STXBP4: variants seen among roughly 807,000 people sequenced by gnomAD.
STXBP4 encodes the protein syntaxin-binding protein 4.
STXBP4 carries 55 observed loss-of-function variants against 76.1 expected under a neutral mutation model. That is an observed-to-expected ratio of 0.72 (90% CI 0.58 to 0.91). The LOEUF (loss-of-function observed/expected upper bound fraction) is 0.91, where lower values mean the gene tolerates loss of function less well. STXBP4 is among the 40% of genes least tolerant of loss of function. The probability of loss-of-function intolerance (pLI) is 0.00; values close to 1 mark genes in which losing one functional copy is unlikely to be tolerated. For synonymous variants in STXBP4, 201 were observed against 220.2 expected (o/e 0.91, Z 0.77); for missense variants, 618 against 636.9 (o/e 0.97, Z 0.32).
the STXBP4 span, among the ~76,000 whole-genome samples, chr17:55,182,202 T>G: frequency 6.6e-6 from 1 of 152,158 alleles, no homozygotes; most frequent in Non-Finnish European, 1.5e-5. Context: ...ATAATGGAAT[T>G]ATTAGTCACA....
chr17:55,069,691 G>T (rs990298436), intron 12 of STXBP4, among the ~76,000 whole-genome samples: 5 of 152,108 alleles, frequency 3.3e-5, no homozygotes, highest in African/African-American at 9.7e-5. Context: ...AATTTATTCA[G>T]CATCAAAACC....
chr17:55,190,860 C>A, the STXBP4 span, among the ~76,000 whole-genome samples: 1 of 152,132 alleles, frequency 6.6e-6, no homozygotes, highest in African/African-American at 2.4e-5. Flanking sequence ...TTAACGTGTT[C>A]AAAAATACAC....
the STXBP4 span, among the ~76,000 whole-genome samples, chr17:55,191,056 A>AAAGTATCT: frequency 6.6e-6 from 1 of 152,150 alleles, no homozygotes; most frequent in Non-Finnish European, 1.5e-5. Context: ...TCCAGTCTTC[A>AAAGTATCT]AAGTATCTTC....
At position 55,141,325 on chromosome 17, in the gene STXBP4, G is replaced by T. The variant is rs1279072836; in HGVS notation, c.1505G>T (p.Trp502Leu). Residue 502 changes from tryptophan (W) to leucine (L), a missense_variant, in exon 17 of 18, where the codon TGG becomes TTG. Coordinates refer to ENST00000376352, the MANE Select transcript of STXBP4 (RefSeq NM_178509.6). ...LLDMDCLPYG[W>L]EEAYTADGIK... ...TTCACTGTAGGTTTACCTTATGGGT[G>T]GGAGGAAGCTTACACAGCAGATGGA... 6.2e-7 allele frequency: 1 copy of T among 1,611,800 alleles called. No individual in the cohort carries two copies. Among genetic ancestry groups the T allele is most frequent in the Non-Finnish European group, 8.5e-7 (1 of 1,178,794 alleles).
intron 17 of STXBP4, among the ~76,000 whole-genome samples, chr17:55,142,455 G>A (rs756993317): frequency 2.6e-5 from 4 of 152,080 alleles, no homozygotes; most frequent in African/African-American, 7.2e-5. Flanking sequence ...CTCATGCCCC[G>A]CAACTTTACA....
At position 55,169,265 on chromosome 17, in the gene STXBP4, A is replaced by ATT. The variant is rs2145212692; in HGVS notation, c.*9354_*9355insTT. 1 of 151,886 alleles carries ATT rather than the reference A, an allele frequency of 6.6e-6. No individual in the cohort carries two copies. Among genetic ancestry groups the ATT allele is most frequent in the South Asian group, 2.1e-4 (1 of 4,804 alleles). The allele number at this position is 151,886 out of a possible 1,614,324, so 9.4% of individuals were successfully genotyped here. A position where few individuals can be genotyped will look rare whatever the true frequency, so the allele number is the denominator to read the frequency against. Reference sequence around the variant, plus strand: ...CTGGAGATGACTTTGGTTCACTCCCACGGGAGAGCCCTAGAGACAAAAAGG... The same window carrying ATT: ...CTGGAGATGACTTTGGTTCACTCCCATTCGGGAGAGCCCTAGAGACAAAAAGG... On this transcript the variant is annotated 3_prime_UTR_variant, in exon 18 of 18. Coordinates refer to ENST00000376352, the MANE Select transcript of STXBP4 (RefSeq NM_178509.6).
At chr17:55,003,583 C>T (rs2077954345) in intron 7 of STXBP4, among the ~76,000 whole-genome samples, 1 of 152,112 alleles carries the variant, frequency 6.6e-6, no homozygotes, top group Admixed American at 6.6e-5. Flanking sequence ...TAGATTTCTT[C>T]AGTTACCTGA....
chr17:54,988,717 T>A (rs1053302346), intron 3 of STXBP4, among the ~76,000 whole-genome samples: 2 of 152,058 alleles, frequency 1.3e-5, no homozygotes, highest in Non-Finnish European at 2.9e-5. Flanking sequence ...GAGGTTGCAG[T>A]AAGCTGAGAT....
At chr17:55,182,027 T>A in the STXBP4 span, among the ~76,000 whole-genome samples, 3 of 152,172 alleles carry the variant, frequency 2.0e-5, no homozygotes. Flanking sequence ...TCAATATAAC[T>A]CAAAGATTCT....
intron 16 of STXBP4, among the ~76,000 whole-genome samples, chr17:55,130,327 C>A (rs2079960767): frequency 6.6e-6 from 1 of 152,080 alleles, no homozygotes; most frequent in African/African-American, 2.4e-5. Flanking sequence ...ATATGTTATG[C>A]AACAGTAGAA....
At chr17:54,972,140 T>C (rs1598135941) in intron 1 of STXBP4, among the ~76,000 whole-genome samples, 2 of 152,236 alleles carry the variant, frequency 1.3e-5, no homozygotes, top group South Asian at 4.1e-4. Flanking sequence ...TTCTTTAAGA[T>C]TGGGTCTGCC....
At chr17:55,080,183 T>C (rs913321355) in intron 15 of STXBP4, among the ~76,000 whole-genome samples, 1 of 152,174 alleles carries the variant, frequency 6.6e-6, no homozygotes, top group Admixed American at 6.6e-5. Flanking sequence ...CTTAAACTGC[T>C]TCATGGAAAA....
the STXBP4 span, among the ~76,000 whole-genome samples, chr17:55,197,205 T>C: frequency 6.6e-6 from 1 of 152,224 alleles, no homozygotes; most frequent in Admixed American, 6.5e-5. Flanking sequence ...GATTCTAATG[T>C]GCAGACAAGA....
At chr17:54,994,820 C>G (rs986372448) in intron 4 of STXBP4, among the ~76,000 whole-genome samples, 2 of 137,372 alleles carry the variant, frequency 1.5e-5, no homozygotes, top group Non-Finnish European at 3.2e-5. Context: ...TTTTTTTTTT[C>G]TTTTCCATCT....
At chr17:55,079,073 G>A (rs911714041) in intron 15 of STXBP4, among the ~76,000 whole-genome samples, 1 of 152,128 alleles carries the variant, frequency 6.6e-6, no homozygotes, top group African/African-American at 2.4e-5. Context: ...CTGGTCACAG[G>A]TTCACTACTA....
chr17:55,079,598 CAAAAA>C (rs5821084), intron 15 of STXBP4, among the ~76,000 whole-genome samples: 1 of 114,310 alleles, frequency 8.7e-6, no homozygotes, highest in African/African-American at 3.4e-5. Context: ...CCTATCTCTA[CAAAAA>C]AAAAAAAAAA....
chr17:55,058,711 A>G (rs1475526592), intron 12 of STXBP4, among the ~76,000 whole-genome samples: 1 of 152,086 alleles, frequency 6.6e-6, no homozygotes, highest in Admixed American at 6.6e-5. Flanking sequence ...TTGTTTTATT[A>G]CTTAATTGAA....
At chr17:55,068,293 T>TTA (rs1315490511) in intron 12 of STXBP4, among the ~76,000 whole-genome samples, 1 of 152,106 alleles carries the variant, frequency 6.6e-6, no homozygotes, top group East Asian at 1.9e-4. Context: ...CACAAAAACA[T>TTA]TATATCTCTT....
At chr17:54,978,460 G>A (rs1337046626) in intron 1 of STXBP4, among the ~76,000 whole-genome samples, 1 of 152,158 alleles carries the variant, frequency 6.6e-6, no homozygotes, top group East Asian at 1.9e-4. Context: ...TTACAAAGGA[G>A]TTGTCATAAG....
Sources: gnomAD v4.1 joint callset for allele counts (sites outside exome capture counted in the v4.1 genomes callset) on GRCh38, gnomAD v4.1.1 for gene constraint, MANE v1.5 for transcripts, NCBI Gene and HGNC (gene_info 2026-07-23, HGNC 2026-07-21) for gene names.